Variants in BRAF observed in about 807,000 individuals in gnomAD.
The protein encoded by BRAF is B-Raf proto-oncogene, serine/threonine kinase, also known as serine/threonine-protein kinase B-raf.
Under a neutral mutation model 104.6 loss-of-function variants are expected in BRAF, and 16 were observed. The observed-to-expected ratio is 0.15, with a 90% confidence interval of 0.10 to 0.23. BRAF has a LOEUF of 0.23. Ranked by LOEUF, BRAF falls within the 10% of genes least tolerant of loss-of-function variation. The probability of loss-of-function intolerance (pLI) is 1.00; values close to 1 mark genes in which losing one functional copy is unlikely to be tolerated. For missense variants in BRAF, 541 were observed against 937.3 expected (o/e 0.58, Z 5.52); for synonymous variants, 310 against 341.6 (o/e 0.91, Z 1.02).
At chr7:140,881,062 A>T (rs542562432) in intron 1 of BRAF, among the ~76,000 whole-genome samples, 78 of 152,318 alleles carry the variant, frequency 5.1e-4, no homozygotes, top group African/African-American at 1.9e-3. Flanking sequence ...ACGATTAGTA[A>T]TATGTTGGAA....
At chr7:140,814,695 T>C (rs993718717) in intron 3 of BRAF, among the ~76,000 whole-genome samples, 3 of 147,108 alleles carry the variant, frequency 2.0e-5, no homozygotes, top group African/African-American at 7.4e-5. Flanking sequence ...ATTCATATAA[T>C]TTATACTTTA....
At chr7:140,715,222 G>A (rs1431383908), downstream of BRAF, among the ~76,000 whole-genome samples, 1 of 152,178 alleles carries the variant, frequency 6.6e-6, no homozygotes, top group Non-Finnish European at 1.5e-5. Flanking sequence ...AAAAGCTGAA[G>A]CAAGTGGAAC....
At position 140,725,570 on chromosome 7, in the gene BRAF, G is replaced by C. The variant is rs1795553033; in HGVS notation, c.*924C>G. The C allele has an allele frequency of 9.5e-7, 1 of 1,054,428 alleles. No homozygotes were observed. Among genetic ancestry groups the C allele is most frequent in the African/African-American group, 1.7e-5 (1 of 60,426 alleles). 65.3% of individuals were successfully genotyped at this position (1,054,428 alleles called of 1,614,324 possible). On this transcript the variant is annotated 3_prime_UTR_variant, in exon 20 of 20. Transcript: ENST00000644969. ...AAAACTGTTATTAAGCAGTTTTGTGGGGGTTTAGTTAGATACTGCCACGGC... is the reference window on the plus strand; with the variant it reads ...AAAACTGTTATTAAGCAGTTTTGTGCGGGTTTAGTTAGATACTGCCACGGC...
intron 1 of BRAF, among the ~76,000 whole-genome samples, chr7:140,889,681 T>C (rs1813990162): frequency 6.6e-6 from 1 of 152,160 alleles, no homozygotes; most frequent in Non-Finnish European, 1.5e-5. Flanking sequence ...ATGTTTTATT[T>C]TCTAGGACTA....
At chr7:140,837,138 T>A (rs942714706) in intron 2 of BRAF, among the ~76,000 whole-genome samples, 2 of 152,206 alleles carry the variant, frequency 1.3e-5, no homozygotes, top group African/African-American at 4.8e-5. Flanking sequence ...CCCTGGCTCA[T>A]TTTACCTACT....
chr7:140,815,611 T>C (rs529488931), intron 3 of BRAF, among the ~76,000 whole-genome samples: 1 of 151,726 alleles, frequency 6.6e-6, no homozygotes, highest in Non-Finnish European at 1.5e-5. Flanking sequence ...TTTTTTTGTA[T>C]TGTTAGTAAA....
At chr7:140,831,371 T>C (rs557252551) in intron 3 of BRAF, among the ~76,000 whole-genome samples, 2 of 152,304 alleles carry the variant, frequency 1.3e-5, no homozygotes, top group Middle Eastern at 6.8e-3. Context: ...CTCGGTAGAT[T>C]AACGTTTACT....
intron 5 of BRAF, 149 bp from the exon 6 acceptor site, chr7:140,801,709 C>A (rs1803133914): frequency 1.1e-6 from 1 of 919,370 alleles, no homozygotes; most frequent in South Asian, 1.7e-5. Context: ...AAAATGAAAA[C>A]CGGGGGTTCA....
Position 140,734,786 on chromosome 7 carries a change from G to GAAAAAAAAAAAAAAAAAA in BRAF, c.2248-17_2248-16insTTTTTTTTTTTTTTTTTT, listed in dbSNP as rs370332827. On this transcript the variant is annotated splice_polypyrimidine_tract_variant and intron_variant, in intron 18 of 19. Coordinates refer to ENST00000644969, the MANE Select transcript of BRAF (RefSeq NM_001374258.1). The stretch of plus-strand genomic sequence containing the variant: ...AGGCGAGAATCTACAAAAAAAAAAA[G>GAAAAAAAAAAAAAAAAAA]AAAAAAAAAAGAAAAAAAAAGAAAA... 7.5e-5 allele frequency: 62 copies of GAAAAAAAAAAAAAAAAAA among 822,884 alleles called. No homozygotes were observed. Among genetic ancestry groups the GAAAAAAAAAAAAAAAAAA allele is most frequent in the South Asian group, 3.5e-4 (11 of 31,546 alleles). The allele number at this position is 822,884 out of a possible 1,614,324, so 51.0% of individuals were successfully genotyped here.
intron 10 of BRAF, among the ~76,000 whole-genome samples, chr7:140,784,548 A>G (rs1801171424): frequency 6.6e-6 from 1 of 152,200 alleles, no homozygotes; most frequent in African/African-American, 2.4e-5. Flanking sequence ...AATCTAAAGC[A>G]CCATTACTAC....
intron 1 of BRAF, among the ~76,000 whole-genome samples, chr7:140,865,933 A>G (rs1810915536): frequency 2.0e-5 from 3 of 152,228 alleles, no homozygotes. Context: ...ATTAAGCCCT[A>G]AAGTTTCAGG....
intron 14 of BRAF, among the ~76,000 whole-genome samples, chr7:140,767,167 C>G (rs1308679295): frequency 1.3e-5 from 2 of 151,864 alleles, no homozygotes. Flanking sequence ...CCACGCCTGG[C>G]TAATTTTTGT....
chr7:140,769,616 C>A (rs922661344), intron 14 of BRAF, among the ~76,000 whole-genome samples: 1 of 152,198 alleles, frequency 6.6e-6, no homozygotes, highest in African/African-American at 2.4e-5. Context: ...ATATAATCCA[C>A]TTTTAACTAC....
chr7:140,922,858 C>T (rs1214178248), intron 1 of BRAF, among the ~76,000 whole-genome samples: 1 of 152,008 alleles, frequency 6.6e-6, no homozygotes, highest in African/African-American at 2.4e-5. Flanking sequence ...TACCAAAAGC[C>T]AGGAAACAAG....
chr7:140,789,891 C>T (rs1407963375), intron 8 of BRAF, among the ~76,000 whole-genome samples: 1 of 152,128 alleles, frequency 6.6e-6, no homozygotes, highest in Non-Finnish European at 1.5e-5. Flanking sequence ...CCACCATGCC[C>T]GGCTAATTTT....
intron 1 of BRAF, among the ~76,000 whole-genome samples, chr7:140,907,261 T>TC (rs1563030143): frequency 1.3e-5 from 2 of 152,142 alleles, no homozygotes; most frequent in African/African-American, 4.8e-5. Context: ...GTTGGGTTTT[T>TC]CCCCCCCTTT....
chr7:140,880,297 G>A (rs189833921), intron 1 of BRAF, among the ~76,000 whole-genome samples: 1 of 152,224 alleles, frequency 6.6e-6, no homozygotes, highest in Non-Finnish European at 1.5e-5. Flanking sequence ...CACTTTCTTT[G>A]CTCATCTATA....
At chr7:140,800,245 G>T in intron 7 of BRAF, 117 bp downstream of exon 7, 1 of 1,487,542 alleles carries the variant, frequency 6.7e-7, no homozygotes, top group South Asian at 1.2e-5. Context: ...TAAGTTATTT[G>T]GGGAAAAAGT....
chr7:140,743,373 C>T (rs193024969), intron 17 of BRAF, among the ~76,000 whole-genome samples: 2 of 152,036 alleles, frequency 1.3e-5, no homozygotes, highest in Non-Finnish European at 2.9e-5. Context: ...CACATATACA[C>T]CATGGAATAC....
Sources: gnomAD v4.1 joint callset for allele counts (sites outside exome capture counted in the v4.1 genomes callset) on GRCh38, gnomAD v4.1.1 for gene constraint, MANE v1.5 for transcripts, NCBI Gene and HGNC (gene_info 2026-07-23, HGNC 2026-07-21) for gene names.